The following NCKAP5 variants were observed in gnomAD, a reference collection of about 807,000 sequenced individuals.
NCKAP5 encodes the protein nck-associated protein 5.
Under a neutral mutation model 167.0 loss-of-function variants are expected in NCKAP5, and 92 were observed. The ratio of observed to expected loss-of-function variants is 0.55; its 90% CI spans 0.47 to 0.66. NCKAP5 has a LOEUF of 0.66. Ranked by LOEUF, NCKAP5 falls within the 30% of genes least tolerant of loss-of-function variation. The pLI, the probability that NCKAP5 is intolerant of heterozygous loss-of-function variation, is 0.00. For missense variants in NCKAP5, 2,378 were observed against 2,315.0 expected (o/e 1.03, Z -0.56); for synonymous variants, 891 against 877.4 (o/e 1.02, Z -0.27).
intron 17 of NCKAP5, 133 bp from the exon 18 acceptor site, chr2:132,729,085 A>G: frequency 8.6e-7 from 1 of 1,156,438 alleles, no homozygotes; most frequent in Non-Finnish European, 1.2e-6. Flanking sequence ...GCTTCCTGCC[A>G]CTCTGTCCCA....
chr2:133,315,076 T>A (rs1000092390), intron 3 of NCKAP5, among the ~76,000 whole-genome samples: 2 of 152,188 alleles, frequency 1.3e-5, no homozygotes, highest in South Asian at 2.1e-4. Context: ...TTGCATTTTG[T>A]TCTCAGTGAC....
intron 8 of NCKAP5, among the ~76,000 whole-genome samples, chr2:132,929,213 G>A (rs181448590): frequency 1.3e-4 from 19 of 151,766 alleles, no homozygotes; most frequent in South Asian, 4.2e-4. Flanking sequence ...CCACAACTAT[G>A]AGAAAAAAAT....
At chr2:133,330,006 G>A (rs1365498328) in intron 3 of NCKAP5, among the ~76,000 whole-genome samples, 2 of 144,778 alleles carry the variant, frequency 1.4e-5, no homozygotes, top group Admixed American at 6.9e-5. Context: ...ATAATACTGA[G>A]CATTATTTTC....
chr2:133,244,340 G>A (rs2087870796), intron 4 of NCKAP5, among the ~76,000 whole-genome samples: 1 of 152,024 alleles, frequency 6.6e-6, no homozygotes, highest in African/African-American at 2.4e-5. Flanking sequence ...ACAACAAACT[G>A]TTATGTTCCA....
intron 3 of NCKAP5, among the ~76,000 whole-genome samples, chr2:133,497,752 G>T (rs186442031): frequency 1.3e-3 from 198 of 152,278 alleles, no homozygotes; most frequent in Non-Finnish European, 2.5e-3. Context: ...GGCAATTTCA[G>T]CGTTCTCAAA....
intron 5 of NCKAP5, among the ~76,000 whole-genome samples, chr2:133,138,930 C>CCCTCAGT (rs1247062434): frequency 6.6e-6 from 1 of 152,192 alleles, no homozygotes; most frequent in South Asian, 2.1e-4. Context: ...CAGTGACTAA[C>CCCTCAGT]CCTCAGTCAC....
chr2:133,615,835 C>G, the NCKAP5 span, among the ~76,000 whole-genome samples: 3 of 152,154 alleles, frequency 2.0e-5, no homozygotes, highest in Non-Finnish European at 2.9e-5. Flanking sequence ...CACCCCAAAT[C>G]AACAGAATGT....
intron 3 of NCKAP5, among the ~76,000 whole-genome samples, chr2:133,508,948 T>C (rs1330451011): frequency 6.6e-6 from 1 of 152,212 alleles, no homozygotes; most frequent in Non-Finnish European, 1.5e-5. Context: ...TGTGTCCAGT[T>C]CCTGTTTTTA....
chr2:133,070,127 G>GA (rs1179121173), intron 6 of NCKAP5, among the ~76,000 whole-genome samples: 1 of 152,078 alleles, frequency 6.6e-6, no homozygotes, highest in Non-Finnish European at 1.5e-5. Context: ...CAATGAGTAG[G>GA]AAAAATGTAT....
At chr2:133,133,813 A>G (rs886266249) in intron 5 of NCKAP5, among the ~76,000 whole-genome samples, 14 of 152,208 alleles carry the variant, frequency 9.2e-5, no homozygotes, top group African/African-American at 3.4e-4. Flanking sequence ...CTCCATCTAA[A>G]GATAAGTGCA....
At chr2:133,172,916 C>T (rs192857611) in intron 5 of NCKAP5, among the ~76,000 whole-genome samples, 83 of 152,152 alleles carry the variant, frequency 5.5e-4, no homozygotes, top group African/African-American at 1.9e-3. Context: ...AACACCTGAC[C>T]TCAGGTGATC....
intron 3 of NCKAP5, among the ~76,000 whole-genome samples, chr2:133,456,018 T>G (rs1574985238): frequency 6.6e-6 from 1 of 152,168 alleles, no homozygotes; most frequent in Admixed American, 6.5e-5. Context: ...CTGTATCTTT[T>G]GTGATGGTGT....
chr2:133,217,054 A>G (rs1347118194), intron 4 of NCKAP5, among the ~76,000 whole-genome samples: 1 of 152,142 alleles, frequency 6.6e-6, no homozygotes, highest in African/African-American at 2.4e-5. Flanking sequence ...TTCAGCATCA[A>G]ATGACTCATT....
At chr2:132,847,022 C>G (rs1017420326) in intron 11 of NCKAP5, among the ~76,000 whole-genome samples, 1 of 152,032 alleles carries the variant, frequency 6.6e-6, no homozygotes, top group African/African-American at 2.4e-5. Context: ...AATTTTCATG[C>G]CATGCAAATA....
chr2:133,138,178 G>T (rs33999986), intron 5 of NCKAP5, among the ~76,000 whole-genome samples: 1 of 151,912 alleles, frequency 6.6e-6, no homozygotes, highest in Admixed American at 6.6e-5. Flanking sequence ...GAAAAAGAAG[G>T]GGGGGTACTA....
chr2:133,384,498 C>A (rs1686779518), intron 3 of NCKAP5, among the ~76,000 whole-genome samples: 1 of 152,130 alleles, frequency 6.6e-6, no homozygotes, highest in African/African-American at 2.4e-5. Context: ...GTGATGCCTC[C>A]AGCTTTGTTC....
intron 8 of NCKAP5, among the ~76,000 whole-genome samples, chr2:132,949,558 C>A (rs2076119754): frequency 6.6e-6 from 1 of 152,228 alleles, no homozygotes; most frequent in African/African-American, 2.4e-5. Flanking sequence ...TCCAGACAGA[C>A]CCTGAGCTTC....
intron 3 of NCKAP5, among the ~76,000 whole-genome samples, chr2:133,322,176 T>C (rs1682104114): frequency 1.3e-5 from 2 of 152,192 alleles, no homozygotes; most frequent in African/African-American, 2.4e-5. Context: ...GGCATAGTCT[T>C]TCCAACCTGT....
At chr2:133,050,221 G>T (rs1387435349) in intron 6 of NCKAP5, among the ~76,000 whole-genome samples, 2 of 152,082 alleles carry the variant, frequency 1.3e-5, no homozygotes, top group Non-Finnish European at 2.9e-5. Flanking sequence ...CAAAACACTT[G>T]GCATAGTCTT....
Sources: gnomAD v4.1 joint callset for allele counts (sites outside exome capture counted in the v4.1 genomes callset) on GRCh38, gnomAD v4.1.1 for gene constraint, MANE v1.5 for transcripts, NCBI Gene and HGNC (gene_info 2026-07-23, HGNC 2026-07-21) for gene names.